WDR4: variants seen among roughly 807,000 people sequenced by gnomAD.
WDR4 encodes the protein tRNA (guanine-N(7)-)-methyltransferase non-catalytic subunit WDR4.
WDR4 carries 47 observed loss-of-function variants against 48.6 expected under a neutral mutation model. The ratio of observed to expected loss-of-function variants is 0.97; its 90% CI spans 0.77 to 1.23. The LOEUF (loss-of-function observed/expected upper bound fraction) is 1.23, where lower values mean the gene tolerates loss of function less well. Among genes scored for constraint, WDR4 ranks in the 50% most tolerant of loss-of-function variants. The probability of loss-of-function intolerance (pLI) is 0.00; values close to 1 mark genes in which losing one functional copy is unlikely to be tolerated. For missense variants in WDR4, 606 were observed against 551.6 expected, an observed-to-expected ratio of 1.10 and a Z score of -0.99; for synonymous variants, 268 against 230.0, an observed-to-expected ratio of 1.17 and a Z score of -1.49.
intron 1 of WDR4, chr21:42,879,122 C>G: frequency 4.9e-6 from 6 of 1,216,566 alleles, no homozygotes; most frequent in Non-Finnish European, 6.2e-6. Flanking sequence ...CCGGAAGCGA[C>G]CCGGCGGCGC....
chr21:42,888,825 C>T, the WDR4 span, among the ~76,000 whole-genome samples: 1 of 151,634 alleles, frequency 6.6e-6, no homozygotes, highest in Non-Finnish European at 1.5e-5. Context: ...CTCTGCCTCC[C>T]GAGTAGCTGG....
intron 10 of WDR4, among the ~76,000 whole-genome samples, chr21:42,851,648 G>A (rs1195242894): frequency 6.6e-6 from 1 of 152,168 alleles, no homozygotes; most frequent in Non-Finnish European, 1.5e-5. Context: ...ACAGTGTGTC[G>A]TGTCCCCAGA....
At chr21:42,877,405 A>G (rs2058519514) in intron 1 of WDR4, among the ~76,000 whole-genome samples, 1 of 150,328 alleles carries the variant, frequency 6.7e-6, no homozygotes, top group Non-Finnish European at 1.5e-5. Context: ...CAGCCTCCCA[A>G]AGTGCTGAGA....
Position 42,850,171 on chromosome 21 carries a change from T to C in WDR4, c.1117A>G (p.Lys373Glu). ...TGCTGCAGTCTCTCCTCTTTCTTCT[T>C]CAGGTAGGAGGTCACGTTGTCGAAC... The part of the protein sequence containing the change: ...ATFDNVTSYL[K>E]KKEERLQQQL... The change falls in exon 11 of 11, where the codon AAG becomes GAG. Residue 373 changes from lysine (K) to glutamate (E), a missense_variant. Lys to Glu is a moderately conservative substitution (Grantham distance 56, BLOSUM62 1). Coordinates refer to ENST00000398208, the MANE Select transcript of WDR4 (RefSeq NM_018669.6). 1 of 1,614,046 alleles carries C rather than the reference T, an allele frequency of 6.2e-7. No individual in the cohort carries two copies. The highest frequency in any genetic ancestry group is 8.5e-7 in the Non-Finnish European group (1 of 1,179,990).
At chr21:42,890,274 G>C in the WDR4 span, among the ~76,000 whole-genome samples, 66 of 152,134 alleles carry the variant, frequency 4.3e-4, no homozygotes, top group African/African-American at 1.6e-3. Flanking sequence ...GGTGGCTCAC[G>C]ACTGTAAATC....
intron 3 of WDR4, among the ~76,000 whole-genome samples, chr21:42,865,333 C>T (rs1023791279): frequency 1.3e-5 from 2 of 152,216 alleles, no homozygotes; most frequent in Admixed American, 6.5e-5. Context: ...CCCCAATGTC[C>T]GATGGGCTCA....
At chr21:42,872,337 C>T (rs1026145760) in intron 3 of WDR4, among the ~76,000 whole-genome samples, 9 of 151,800 alleles carry the variant, frequency 5.9e-5, no homozygotes, top group South Asian at 2.1e-4. Flanking sequence ...AGGCTGGGAG[C>T]GGTGGGTCAT....
intron 2 of WDR4, 149 bp from the exon 3 acceptor site, chr21:42,873,840 ATG>A (rs1340842403): frequency 2.2e-6 from 2 of 907,020 alleles, no homozygotes; most frequent in African/African-American, 3.4e-5. Context: ...TTAAAGGGAC[ATG>A]GGGAAGTTCA....
At chr21:42,854,664 G>T in intron 7 of WDR4, 38 bp from the exon 8 acceptor site, 1 of 1,601,424 alleles carries the variant, frequency 6.2e-7, no homozygotes. Context: ...CACGCCACCT[G>T]CAGGGGCCCG....
intron 9 of WDR4, among the ~76,000 whole-genome samples, chr21:42,852,670 C>A (rs887015011): frequency 6.6e-6 from 1 of 152,214 alleles, no homozygotes; most frequent in African/African-American, 2.4e-5. Context: ...AATCCCAGCA[C>A]TTTGGGAGGC....
Position 42,854,570 on chromosome 21 carries a change from C to G in WDR4, c.783G>C (p.Leu261=). ...FWCQENCVAL[L]CDGTPVVYIF... Reference sequence around the variant, plus strand: ...GTGCCGCCGCAGCTTACCCGTCGCACAGGAGCGCCACGCAGTTCTCCTGGC... The same window carrying G: ...GTGCCGCCGCAGCTTACCCGTCGCAGAGGAGCGCCACGCAGTTCTCCTGGC... The change falls in exon 8 of 11, where the codon CTG becomes CTC. Residue 261 remains leucine (L), a synonymous_variant. Transcript: ENST00000398208. The G allele has an allele frequency of 6.2e-7, 1 of 1,613,620 alleles. No homozygotes were observed. Among genetic ancestry groups the G allele is most frequent in the Non-Finnish European group, 8.5e-7 (1 of 1,179,860 alleles).
At chr21:42,853,116 G>A (rs990979544) in intron 9 of WDR4, among the ~76,000 whole-genome samples, 16 of 152,048 alleles carry the variant, frequency 1.1e-4, no homozygotes, top group African/African-American at 3.6e-4. Context: ...CTCGCCCAGA[G>A]ACCCCACTGT....
upstream of WDR4, chr21:42,883,857 G>A (rs2058622638): frequency 6.5e-6 from 1 of 153,078 alleles, no homozygotes; most frequent in Admixed American, 6.5e-5. Flanking sequence ...CATTTCAGTG[G>A]GTTTTAGTAT....
chr21:42,860,698 T>C (rs2058094460), intron 5 of WDR4, among the ~76,000 whole-genome samples: 3 of 152,254 alleles, frequency 2.0e-5, no homozygotes, highest in Admixed American at 6.5e-5. Flanking sequence ...ACGAGTGGCC[T>C]CACAGTTCTC....
chr21:42,863,720 C>T lies in WDR4; in HGVS notation c.297-124G>A, dbSNP rs62219107. On this transcript the variant is annotated intron_variant, in intron 3 of 10. Transcript: ENST00000398208. Reference sequence around the variant, plus strand: ...GGCCATATGCTCTGTTTTCCAGCTGCTGAAGGTGGTGCCAAAAAAATTAAG... The same window carrying T: ...GGCCATATGCTCTGTTTTCCAGCTGTTGAAGGTGGTGCCAAAAAAATTAAG... 8.4e-3 allele frequency: 9,854 copies of T among 1,168,738 alleles called. 74 individuals are homozygous for T. The highest frequency in any genetic ancestry group is 9.9e-3 in the Non-Finnish European group (8,253 of 834,226). 72.4% of individuals were successfully genotyped at this position (1,168,738 alleles called of 1,614,324 possible). A position where few individuals can be genotyped will look rare whatever the true frequency, so the allele number is the denominator to read the frequency against.
chr21:42,892,550 G>C, the WDR4 span, among the ~76,000 whole-genome samples: 2 of 91,766 alleles, frequency 2.2e-5, no homozygotes. Flanking sequence ...CTCTTCCCCT[G>C]TGGAAGCTGA....
chr21:42,879,706 C>T (rs1423717187), upstream of WDR4: 20 of 562,438 alleles, frequency 3.6e-5, no homozygotes, highest in Non-Finnish European at 6.3e-5. Context: ...TCGGGTTTGG[C>T]AGTTCACTCA....
chr21:42,852,132 C>T (rs530789915), intron 10 of WDR4, 123 bp downstream of exon 10: 8 of 1,029,416 alleles, frequency 7.8e-6, no homozygotes, highest in South Asian at 2.7e-5. Context: ...TGGGGACACA[C>T]GCTTACTCTC....
chr21:42,879,659 A>C (rs960318825), upstream of WDR4: 3 of 827,352 alleles, frequency 3.6e-6, no homozygotes, highest in African/African-American at 1.7e-5. Flanking sequence ...AGGTGCTGTG[A>C]CCGCCCTCCG....
Sources: allele counts gnomAD v4.1 joint callset (sites outside exome capture counted in the v4.1 genomes callset), GRCh38; gene constraint gnomAD v4.1.1; transcripts MANE v1.5; gene names NCBI Gene and HGNC (gene_info 2026-07-23, HGNC 2026-07-21).